Variants in MPP4 observed in about 807,000 individuals in gnomAD.
The protein encoded by MPP4 is MAGUK p55 subfamily member 4.
A neutral mutation model predicts 98.3 loss-of-function variants in MPP4; 91 were observed. The ratio of observed to expected loss-of-function variants is 0.93; its 90% CI spans 0.78 to 1.10. The LOEUF is 1.10. Ranked by LOEUF, MPP4 falls within the 50% of genes least tolerant of loss-of-function variation. The pLI is 0.00. For missense variants in MPP4, 744 were observed against 792.9 expected (o/e 0.94, Z 0.74); for synonymous variants, 261 against 271.8 (o/e 0.96, Z 0.39).
chr2:201,678,432 C>T (rs1688576147), intron 10 of MPP4, among the ~76,000 whole-genome samples: 1 of 152,168 alleles, frequency 6.6e-6, no homozygotes, highest in African/African-American at 2.4e-5. Flanking sequence ...TCTTTGAGCC[C>T]TTTCTTCTTG....
Position 201,692,900 on chromosome 2 carries a change from G to A in MPP4, c.201+8C>T, listed in dbSNP as rs757562458. 1 of 1,605,110 alleles carries A rather than the reference G, an allele frequency of 6.2e-7. No individual in the cohort carries two copies. Among genetic ancestry groups the A allele is most frequent in the Non-Finnish European group, 8.5e-7 (1 of 1,175,956 alleles). On this transcript the variant is annotated splice_region_variant and intron_variant, in intron 3 of 21. Transcript: ENST00000409474. Reference sequence around the variant, plus strand: ...CAAGCAAAGGCTTCCGAGCAAAGAAGCACTCACCTTTAGCAGAGCCTGAAG... The same window carrying A: ...CAAGCAAAGGCTTCCGAGCAAAGAAACACTCACCTTTAGCAGAGCCTGAAG...
Position 201,677,712 on chromosome 2 carries a change from A to G in MPP4, c.930-2441T>C, listed in dbSNP as rs544917412. Among the ~76,000 whole-genome samples the G allele has an allele frequency of 3.0e-4, 46 of 152,312 alleles. No homozygotes were observed. The East Asian group carries it at 8.5e-3, about 28-fold the overall frequency. On this transcript the variant is annotated intron_variant, in intron 10 of 21. Transcript: ENST00000409474. ...TTCCTGGCTCAGTCCATATCTATTG[A>G]ATCAGATCCTCAGAGAGGGGAGGGC...
intron 10 of MPP4, among the ~76,000 whole-genome samples, chr2:201,676,083 C>G (rs2105933730): frequency 6.6e-6 from 1 of 152,298 alleles, no homozygotes; most frequent in African/African-American, 2.4e-5. Context: ...AATTTAATCT[C>G]TCAAACTTTG....
chr2:201,695,035 C>G (rs770772742), intron 1 of MPP4, among the ~76,000 whole-genome samples: 3 of 152,008 alleles, frequency 2.0e-5, no homozygotes, highest in Non-Finnish European at 4.4e-5. Flanking sequence ...AAGTAGAAAC[C>G]CAGAATAATT....
Position 201,666,344 on chromosome 2 carries a change from A to C in MPP4, c.1041T>G (p.Cys347Trp). The change falls in exon 13 of 22, where the codon TGT becomes TGG. Residue 347 changes from cysteine to tryptophan, a missense_variant. Coordinates refer to ENST00000409474, the MANE Select transcript of MPP4 (RefSeq NM_033066.3). ...EEDDMKIDEK[C>W]VEADEETFES... ...AAGAGAAAATGTTACCTGCTTCCAC[A>C]CATTTCTCATCAATCTTCATGTCAT... is the stretch of plus-strand genomic sequence containing the variant. 2 of 1,557,332 alleles carry C rather than the reference A, an allele frequency of 1.3e-6. No homozygotes were observed. Among genetic ancestry groups the C allele is most frequent in the Admixed American group, 2.0e-5 (1 of 50,856 alleles).
At chr2:201,648,114 C>A (rs1438800389) in intron 20 of MPP4, among the ~76,000 whole-genome samples, 8 of 152,218 alleles carry the variant, frequency 5.3e-5, no homozygotes, top group Admixed American at 4.6e-4. Context: ...CTACCGCCTT[C>A]CCAGTTCAAG....
chr2:201,675,974 CT>C (rs1267016405), intron 10 of MPP4, among the ~76,000 whole-genome samples: 1 of 152,342 alleles, frequency 6.6e-6, no homozygotes. Context: ...CTTGTGAGGA[CT>C]GCAGAATCTC....
intron 11 of MPP4, among the ~76,000 whole-genome samples, chr2:201,670,005 A>G (rs1688297396): frequency 1.3e-5 from 2 of 152,214 alleles, no homozygotes; most frequent in African/African-American, 4.8e-5. Context: ...GCCTTCTTCC[A>G]TCCCAGCTAG....
intron 5 of MPP4, 116 bp downstream of exon 5, chr2:201,687,175 T>A: frequency 1.2e-6 from 1 of 841,202 alleles, no homozygotes; most frequent in Non-Finnish European, 1.9e-6. Flanking sequence ...TCAGTAACCG[T>A]GTACAGTAAT....
chr2:201,671,195 G>A lies in MPP4; in HGVS notation c.995-1445C>T, dbSNP rs565810189. 2.0e-4 allele frequency among the ~76,000 whole-genome samples: 31 copies of A among 152,052 alleles called. 1 individual carries two copies. Among genetic ancestry groups the A allele is most frequent in the African/African-American group, 6.8e-4 (28 of 41,468 alleles). On this transcript the variant is annotated intron_variant, in intron 11 of 21. Transcript: ENST00000409474. ...TTGTTTTTTTTCATACCCCAGTGGC[G>A]CCTGGAATACCAGCAAGACAGAACC...
intron 6 of MPP4, 71 bp from the exon 7 acceptor site, chr2:201,685,216 A>G (rs1441525666): frequency 2.2e-6 from 1 of 461,294 alleles, no homozygotes. Context: ...CCCTCAATCA[A>G]TGCAGCTCTG....
intron 18 of MPP4, chr2:201,651,229 A>G (rs1303944915): frequency 8.1e-6 from 8 of 985,354 alleles, no homozygotes; most frequent in Non-Finnish European, 9.6e-6. Flanking sequence ...CCGGCCTTAA[A>G]TTATCAAAGG....
chr2:201,686,625 C>G (rs1400354574), intron 5 of MPP4, among the ~76,000 whole-genome samples: 1 of 152,128 alleles, frequency 6.6e-6, no homozygotes, highest in Admixed American at 6.5e-5. Context: ...GAGAAGCTGT[C>G]ACTCTGCCAC....
intron 7 of MPP4, among the ~76,000 whole-genome samples, chr2:201,683,581 T>G (rs1047283823): frequency 3.3e-5 from 5 of 151,960 alleles, no homozygotes; most frequent in African/African-American, 1.2e-4. Context: ...ACACTCTGTC[T>G]GTACTAAAAA....
At chr2:201,671,500 A>T (rs1688342606) in intron 11 of MPP4, among the ~76,000 whole-genome samples, 1 of 152,198 alleles carries the variant, frequency 6.6e-6, no homozygotes, top group African/African-American at 2.4e-5. Context: ...TGTATTCAGG[A>T]GACCCATCTC....
intron 11 of MPP4, 26 bp from the exon 12 acceptor site, chr2:201,669,776 A>AG: frequency 3.6e-6 from 5 of 1,379,466 alleles, no homozygotes; most frequent in Admixed American, 2.7e-5. Context: ...TGATTGAAGC[A>AG]GGGGGGATAA....
chr2:201,698,180 T>A, intron 1 of MPP4: 1 of 683,322 alleles, frequency 1.5e-6, no homozygotes, highest in Non-Finnish European at 1.8e-6. Flanking sequence ...AACGTACTAT[T>A]AAATGCCACA....
rs540330227 is a variant in MPP4 at position 201,678,403 on chromosome 2, C to A, written c.929+2435G>T. On this transcript the variant is annotated intron_variant, in intron 10 of 21. Transcript: ENST00000409474. ...ACCCACAGCAAATCTTCAGCAAACT[C>A]TCTTAGACCTCAGCCTCTTCTTTGA... Among the ~76,000 whole-genome samples, 5 of 152,318 alleles carry A rather than the reference C, an allele frequency of 3.3e-5. No homozygotes were observed. The South Asian group carries it at 1.0e-3, about 32-fold the overall frequency.
At chr2:201,691,163 A>C (rs1689009139) in intron 3 of MPP4, among the ~76,000 whole-genome samples, 1 of 152,210 alleles carries the variant, frequency 6.6e-6, no homozygotes, top group African/African-American at 2.4e-5. Context: ...TCATGAAATT[A>C]AAACTCCTAT....
Sources: gnomAD v4.1 joint callset for allele counts (sites outside exome capture counted in the v4.1 genomes callset) on GRCh38, gnomAD v4.1.1 for gene constraint, MANE v1.5 for transcripts, NCBI Gene and HGNC (gene_info 2026-07-23, HGNC 2026-07-21) for gene names.